SEMA3A: variants seen among roughly 807,000 people sequenced by gnomAD.
The protein encoded by SEMA3A is semaphorin 3A.
SEMA3A carries 29 observed loss-of-function variants against 97.9 expected under a neutral mutation model. The observed-to-expected ratio is 0.30, with a 90% confidence interval of 0.22 to 0.40. SEMA3A has a LOEUF of 0.40. SEMA3A is among the 10% of genes least tolerant of loss of function. The pLI is 1.00. For synonymous variants in SEMA3A, 321 were observed against 323.7 expected (o/e 0.99, Z 0.09); for missense variants, 763 against 951.3 (o/e 0.80, Z 2.60).
chr7:84,465,817 A>T (rs1318621989), intron 1 of SEMA3A, among the ~76,000 whole-genome samples: 1 of 152,154 alleles, frequency 6.6e-6, no homozygotes, highest in East Asian at 1.9e-4. Context: ...ACAAGCATCA[A>T]CATTTCTTTG....
intron 1 of SEMA3A, among the ~76,000 whole-genome samples, chr7:84,161,817 T>C (rs1169591505): frequency 6.6e-6 from 1 of 152,210 alleles, no homozygotes; most frequent in African/African-American, 2.4e-5. Context: ...GAAGAGATGA[T>C]ATGAGTATAT....
At chr7:84,364,466 T>C (rs1423044393) in intron 2 of SEMA3A, among the ~76,000 whole-genome samples, 1 of 151,798 alleles carries the variant, frequency 6.6e-6, no homozygotes, top group East Asian at 1.9e-4. Flanking sequence ...TACAGCTGTA[T>C]TTATTTATTT....
chr7:84,460,563 CA>C (rs1805807768), intron 1 of SEMA3A, among the ~76,000 whole-genome samples: 1 of 152,128 alleles, frequency 6.6e-6, no homozygotes, highest in African/African-American at 2.4e-5. Context: ...TTGATAAAAT[CA>C]AGTTAAATGA....
chr7:84,014,455 A>G (rs925239526), intron 6 of SEMA3A, 104 bp from the exon 7 acceptor site: 2 of 842,220 alleles, frequency 2.4e-6, no homozygotes, highest in Admixed American at 6.2e-5. Context: ...GATATATTTC[A>G]AGAAACGTAT....
chr7:84,202,531 T>C (rs1400464861), intron 3 of SEMA3A, among the ~76,000 whole-genome samples: 5 of 152,146 alleles, frequency 3.3e-5, no homozygotes, highest in Admixed American at 2.6e-4. Context: ...AATGTGGTAG[T>C]CTCTTTCTTG....
intron 3 of SEMA3A, among the ~76,000 whole-genome samples, chr7:84,290,570 A>G (rs955501452): frequency 6.6e-6 from 1 of 151,982 alleles, no homozygotes; most frequent in African/African-American, 2.4e-5. Context: ...CCTTTCCCAA[A>G]TTCCTACAGC....
At chr7:84,279,232 C>G (rs1037531857) in intron 3 of SEMA3A, among the ~76,000 whole-genome samples, 1 of 151,892 alleles carries the variant, frequency 6.6e-6, no homozygotes, top group African/African-American at 2.4e-5. Context: ...TGGCAGTGAC[C>G]AGGTTACTTG....
chr7:84,209,993 A>G (rs1228418204), intron 3 of SEMA3A, among the ~76,000 whole-genome samples: 2 of 152,232 alleles, frequency 1.3e-5, no homozygotes, highest in Non-Finnish European at 2.9e-5. Context: ...GGGGATCATT[A>G]GAGACAATAA....
chr7:84,202,326 T>C (rs978917891), intron 3 of SEMA3A, among the ~76,000 whole-genome samples: 3 of 152,184 alleles, frequency 2.0e-5, no homozygotes, highest in African/African-American at 7.2e-5. Context: ...CAATATGTCC[T>C]ATACAGTTAA....
intron 9 of SEMA3A, among the ~76,000 whole-genome samples, chr7:84,008,635 C>T (rs907758965): frequency 3.3e-5 from 5 of 152,060 alleles, no homozygotes; most frequent in African/African-American, 4.8e-5. Context: ...ACAAACTTCC[C>T]CCTTGAAAAT....
chr7:84,129,507 G>A (rs941953088), intron 2 of SEMA3A, among the ~76,000 whole-genome samples: 2 of 152,148 alleles, frequency 1.3e-5, no homozygotes, highest in East Asian at 1.9e-4. Flanking sequence ...GAGAGAACGT[G>A]AGAATTTAGT....
At chr7:84,285,264 T>TG (rs1800549938) in intron 3 of SEMA3A, among the ~76,000 whole-genome samples, 2 of 152,174 alleles carry the variant, frequency 1.3e-5, no homozygotes, top group African/African-American at 4.8e-5. Flanking sequence ...TAAAAAACTG[T>TG]GGGAAGACAT....
At chr7:84,490,420 G>A (rs867035126) in intron 1 of SEMA3A, among the ~76,000 whole-genome samples, 1 of 151,948 alleles carries the variant, frequency 6.6e-6, no homozygotes, top group Non-Finnish European at 1.5e-5. Flanking sequence ...AATAAGCCTA[G>A]GTTAAAAAAT....
At chr7:84,205,080 G>C (rs1349154456) in intron 3 of SEMA3A, among the ~76,000 whole-genome samples, 2 of 152,178 alleles carry the variant, frequency 1.3e-5, no homozygotes, top group Non-Finnish European at 2.9e-5. Context: ...ATGAGTTAGT[G>C]AGTATTTACA....
At chr7:84,110,645 C>T (rs1407019899) in intron 3 of SEMA3A, 56 bp from the exon 4 acceptor site, 2 of 1,586,118 alleles carry the variant, frequency 1.3e-6, no homozygotes, top group African/African-American at 2.7e-5. Context: ...CTGAGGTATC[C>T]TCTAGGGTGC....
At chr7:84,235,110 C>A (rs1799204345) in intron 3 of SEMA3A, among the ~76,000 whole-genome samples, 1 of 151,868 alleles carries the variant, frequency 6.6e-6, no homozygotes, top group Non-Finnish European at 1.5e-5. Flanking sequence ...AACAGGAAGG[C>A]CATTATTAGC....
At chr7:84,451,990 A>G (rs899083776) in intron 1 of SEMA3A, among the ~76,000 whole-genome samples, 4 of 152,308 alleles carry the variant, frequency 2.6e-5, no homozygotes, top group Non-Finnish European at 5.9e-5. Context: ...CTCTTAATCT[A>G]TAAGTGAATT....
intron 6 of SEMA3A, 101 bp downstream of exon 6, chr7:84,046,223 A>G (rs1303062250): frequency 1.5e-5 from 20 of 1,376,176 alleles, no homozygotes; most frequent in African/African-American, 2.9e-5. Flanking sequence ...TTAACTGCAC[A>G]ATAAATTTCA....
intron 3 of SEMA3A, among the ~76,000 whole-genome samples, chr7:84,221,706 TATTG>T (rs1401080562): frequency 6.6e-6 from 1 of 152,022 alleles, no homozygotes; most frequent in Non-Finnish European, 1.5e-5. Flanking sequence ...ACATAGCATT[TATTG>T]ATTAAGTTTT....
Sources: gnomAD v4.1 joint callset for allele counts (sites outside exome capture counted in the v4.1 genomes callset) on GRCh38, gnomAD v4.1.1 for gene constraint, MANE v1.5 for transcripts, NCBI Gene and HGNC (gene_info 2026-07-23, HGNC 2026-07-21) for gene names.